The following C2CD3 variants were observed in gnomAD, a reference collection of about 807,000 sequenced individuals.
C2CD3 encodes the protein C2 domain-containing protein 3.
C2CD3 carries 148 observed loss-of-function variants against 234.0 expected under a neutral mutation model. That is an observed-to-expected ratio of 0.63 (90% CI 0.55 to 0.72). The LOEUF (loss-of-function observed/expected upper bound fraction) is 0.72, where lower values mean the gene tolerates loss of function less well. Among genes scored for constraint, C2CD3 ranks in the 30% least tolerant of loss-of-function variants. C2CD3 has a pLI of 0.00. For missense variants in C2CD3, 2,577 were observed against 2,811.5 expected, an observed-to-expected ratio of 0.92 and a Z score of 1.89; for synonymous variants, 1,000 against 1,035.4, an observed-to-expected ratio of 0.97 and a Z score of 0.66.
intron 4 of C2CD3, 69 bp from the exon 5 acceptor site, chr11:74,139,036 G>C (rs1590916569): frequency 7.3e-7 from 1 of 1,366,786 alleles, no homozygotes; most frequent in East Asian, 2.3e-5. Flanking sequence ...TTTTGTCAGA[G>C]ACAGAAAGTA....
chr11:74,033,048 C>T (rs1952587810), intron 31 of C2CD3, among the ~76,000 whole-genome samples: 1 of 152,168 alleles, frequency 6.6e-6, no homozygotes, highest in African/African-American at 2.4e-5. Context: ...GATAAATAGT[C>T]TCATTCCTTA....
intron 7 of C2CD3, among the ~76,000 whole-genome samples, chr11:74,130,434 A>T (rs1209975982): frequency 6.7e-6 from 1 of 149,056 alleles, no homozygotes; most frequent in Non-Finnish European, 1.5e-5. Context: ...GGGTTTCACT[A>T]TGTAGTCCAG....
Position 74,138,925 on chromosome 11 carries a change from T to C in C2CD3, c.750A>G (p.Ile250Met). Residue 250 changes from isoleucine to methionine, a missense_variant, in exon 5 of 33, where the codon ATA becomes ATG. Ile to Met is a conservative substitution (Grantham distance 10). Transcript: ENST00000334126. ...HVCFAENPDT[I>M]KDSSFGLQHS... is the part of the protein sequence containing the mutation. ...GCTGTAGTCCAAAGGAAGAATCCTT[T>C]ATTGTATCAGGGTTCTCTGCAAAGC... 8 of 1,611,940 alleles carry C rather than the reference T, an allele frequency of 5.0e-6. No individual in the cohort carries two copies. Among genetic ancestry groups the C allele is most frequent in the Non-Finnish European group, 6.8e-6 (8 of 1,177,982 alleles).
intron 28 of C2CD3, among the ~76,000 whole-genome samples, chr11:74,047,838 A>G (rs1383667024): frequency 2.0e-5 from 3 of 152,224 alleles, no homozygotes. Flanking sequence ...TGGCTTGGTG[A>G]AAAGGATGGA....
At chr11:74,035,421 G>A (rs142750938) in intron 30 of C2CD3, among the ~76,000 whole-genome samples, 1 of 152,288 alleles carries the variant, frequency 6.6e-6, no homozygotes, top group East Asian at 1.9e-4. Context: ...AGATTCACGA[G>A]TTAAATAAGA....
rs1177825163 is a variant in C2CD3 at position 74,044,386 on chromosome 11, T to C, written c.5496-2168A>G. Reference sequence around the variant, plus strand: ...AGGAGAATCGCTTGAACCCGGGAGGTGGAGGTTGCAGTGGGCCAAGATCGT... The same window carrying C: ...AGGAGAATCGCTTGAACCCGGGAGGCGGAGGTTGCAGTGGGCCAAGATCGT... On this transcript the variant is annotated intron_variant, in intron 28 of 32. Coordinates refer to ENST00000334126, the MANE Select transcript of C2CD3 (RefSeq NM_001286577.2). 1.6e-4 allele frequency among the ~76,000 whole-genome samples: 24 copies of C among 148,828 alleles called. No homozygotes were observed. The East Asian group carries it at 4.2e-3, about 26-fold the overall frequency.
At chr11:74,168,759 A>G in intron 1 of C2CD3, 146 bp from the exon 2 acceptor site, 1 of 701,298 alleles carries the variant, frequency 1.4e-6, no homozygotes, top group South Asian at 1.9e-5. Flanking sequence ...TATCCTACCC[A>G]TTATTCTAAT....
At chr11:74,114,165 G>T (rs1217570695) in intron 10 of C2CD3, among the ~76,000 whole-genome samples, 1 of 152,132 alleles carries the variant, frequency 6.6e-6, no homozygotes, top group Admixed American at 6.5e-5. Flanking sequence ...CCTGCTAACT[G>T]TAAGATATGT....
chr11:74,083,188 G>C (rs906113658), intron 22 of C2CD3, among the ~76,000 whole-genome samples: 3 of 152,100 alleles, frequency 2.0e-5, no homozygotes, highest in African/African-American at 7.2e-5. Context: ...ACAAGAAATG[G>C]GGAAAGGATT....
intron 25 of C2CD3, among the ~76,000 whole-genome samples, chr11:74,055,739 AAAG>A (rs1224524207): frequency 6.6e-6 from 1 of 152,216 alleles, no homozygotes; most frequent in Non-Finnish European, 1.5e-5. Context: ...ATGAAGATCA[AAAG>A]AAACAATTTT....
chr11:74,143,436 T>C (rs1374415793), intron 3 of C2CD3, among the ~76,000 whole-genome samples: 1 of 151,438 alleles, frequency 6.6e-6, no homozygotes, highest in Admixed American at 6.6e-5. Flanking sequence ...CACTGTAACC[T>C]TGAACTCCTG....
chr11:74,094,709 T>C (rs1956041772), intron 17 of C2CD3, among the ~76,000 whole-genome samples: 1 of 152,214 alleles, frequency 6.6e-6, no homozygotes, highest in Non-Finnish European at 1.5e-5. Context: ...CACTTAATGC[T>C]TGTGAATCTC....
chr11:74,039,317 T>C (rs994199547), intron 29 of C2CD3, among the ~76,000 whole-genome samples: 1 of 152,234 alleles, frequency 6.6e-6, no homozygotes. Context: ...AAATGATAGC[T>C]GTGATTCAAA....
At chr11:74,136,111 A>G (rs1177450125) in intron 5 of C2CD3, among the ~76,000 whole-genome samples, 2 of 152,036 alleles carry the variant, frequency 1.3e-5, no homozygotes, top group African/African-American at 4.8e-5. Flanking sequence ...TCCTGAATCT[A>G]AAATAAAATT....
rs145765035 is a variant in C2CD3 at position 74,034,038 on chromosome 11, G to A, written c.6122C>T (p.Ala2041Val). Residue 2041 changes from alanine (A) to valine (V), a missense_variant, in exon 31 of 33, where the codon GCA (alanine) becomes GTA (valine). Transcript: ENST00000334126. ...GRMLHESLRHAVPITRMQSSE... is the reference protein window; with the variant it reads ...GRMLHESLRHVVPITRMQSSE... ...GCTCTGCATCCTTGTAATGGGTACTGCATGCCTCAGGGACTCATGGAGCAT... is the reference window on the plus strand; with the variant it reads ...GCTCTGCATCCTTGTAATGGGTACTACATGCCTCAGGGACTCATGGAGCAT... The A allele has an allele frequency of 9.9e-3, 15,257 of 1,536,458 alleles. 108 individuals carry two copies. The highest frequency in any genetic ancestry group is 0.021 in the Middle Eastern group (123 of 5,992).
Position 74,033,463 on chromosome 11 carries a change from C to T in C2CD3, c.6697G>A (p.Ala2233Thr). 4 of 1,536,184 alleles carry T rather than the reference C, an allele frequency of 2.6e-6. No individual in the cohort carries two copies. Among genetic ancestry groups the T allele is most frequent in the Non-Finnish European group, 3.5e-6 (4 of 1,146,910 alleles). The change falls in exon 31 of 33, where the codon GCC (alanine) becomes ACC (threonine). Residue 2233 changes from alanine to threonine, a missense_variant. Coordinates refer to ENST00000334126, the MANE Select transcript of C2CD3 (RefSeq NM_001286577.2). ...DSFKKLPLNL[A>T]SQSRRENHKG... The stretch of plus-strand genomic sequence containing the variant: ...TGGTTTTCCCTTCTGCTCTGGGAGG[C>T]TAGATTTAGCGGCAACTTCTTGAAG...
At chr11:74,104,145 C>A (rs1212314078) in intron 13 of C2CD3, among the ~76,000 whole-genome samples, 1 of 152,120 alleles carries the variant, frequency 6.6e-6, no homozygotes, top group Non-Finnish European at 1.5e-5. Flanking sequence ...TTCAGGTTAA[C>A]CCCAGTGGAG....
chr11:74,113,741 C>A, intron 11 of C2CD3, 39 bp downstream of exon 11: 2 of 1,119,792 alleles, frequency 1.8e-6, no homozygotes, highest in South Asian at 1.2e-5. Flanking sequence ...CTTCCAAAGT[C>A]AGAATGTCTA....
intron 32 of C2CD3, among the ~76,000 whole-genome samples, chr11:74,027,025 T>A (rs993773945): frequency 6.6e-5 from 10 of 151,716 alleles, no homozygotes; most frequent in African/African-American, 2.4e-4. Flanking sequence ...GGTAAGTGAC[T>A]CAGCCTTTAG....
Sources: gnomAD v4.1 joint callset for allele counts (sites outside exome capture counted in the v4.1 genomes callset) on GRCh38, gnomAD v4.1.1 for gene constraint, MANE v1.5 for transcripts, NCBI Gene and HGNC (gene_info 2026-07-23, HGNC 2026-07-21) for gene names.